Variants in LAMA3 observed in about 807,000 individuals in gnomAD.
LAMA3 encodes the protein laminin subunit alpha 3.
Under a neutral mutation model 402.0 loss-of-function variants are expected in LAMA3, and 281 were observed. The observed-to-expected ratio is 0.70, with a 90% CI of 0.63 to 0.77. LAMA3 has a LOEUF of 0.77. Ranked by LOEUF, LAMA3 falls within the 30% of genes least tolerant of loss-of-function variation. The pLI is 0.00. For synonymous variants in LAMA3, 1,431 were observed against 1,558.4 expected (o/e 0.92, Z 1.93); for missense variants, 3,840 against 4,215.5 (o/e 0.91, Z 2.47).
intron 59 of LAMA3, 131 bp downstream of exon 59, chr18:23,915,553 C>A: frequency 1.2e-6 from 1 of 830,112 alleles, no homozygotes; most frequent in Non-Finnish European, 2.1e-6. Context: ...AGTAGTTCTT[C>A]AAGTATGTGT....
At chr18:23,843,087 G>T (rs971018902) in intron 29 of LAMA3, among the ~76,000 whole-genome samples, 1 of 151,870 alleles carries the variant, frequency 6.6e-6, no homozygotes, top group Non-Finnish European at 1.5e-5. Context: ...TTTCTCTAGC[G>T]CTCCTTGGGT....
At chr18:23,860,872 A>G (rs1296102279) in intron 34 of LAMA3, among the ~76,000 whole-genome samples, 2 of 151,600 alleles carry the variant, frequency 1.3e-5, no homozygotes, top group African/African-American at 4.9e-5. Context: ...TTTTATATGT[A>G]ATAGAAACAA....
chr18:23,767,843 G>C (rs2062109380), intron 8 of LAMA3, among the ~76,000 whole-genome samples: 1 of 152,074 alleles, frequency 6.6e-6, no homozygotes, highest in African/African-American at 2.4e-5. Flanking sequence ...GAAGTGCTGG[G>C]ATTACAGGTG....
intron 9 of LAMA3, among the ~76,000 whole-genome samples, chr18:23,774,812 T>TA (rs145809364): frequency 6.6e-5 from 10 of 152,154 alleles, no homozygotes; most frequent in East Asian, 3.9e-4. Context: ...TCTTAGTTGT[T>TA]AAAAAAAATG....
At chr18:23,690,092 G>A in intron 1 of LAMA3, 115 bp downstream of exon 1, 1 of 840,430 alleles carries the variant, frequency 1.2e-6, no homozygotes, top group Non-Finnish European at 1.7e-6. Flanking sequence ...CCGGGCGACT[G>A]GGAAGGGCAG....
In LAMA3 at chr18:23,907,685, C is replaced by T; in HGVS notation, c.6835+19C>T. 6.2e-7 allele frequency: 1 copy of T among 1,610,576 alleles called. No individual in the cohort carries two copies. The highest frequency in any genetic ancestry group is 8.5e-7 in the Non-Finnish European group (1 of 1,176,744). On this transcript the variant is annotated intron_variant, in intron 53 of 74. Coordinates refer to ENST00000313654, the MANE Select transcript of LAMA3 (RefSeq NM_198129.4). ...CAGAGAGGTCAGCATCTTCCTAATC[C>T]ATTGTACTCGGTTGGCTTCTTTTGT... is the stretch of plus-strand genomic sequence containing the variant.
chr18:23,742,565 T>C (rs2061581221), intron 2 of LAMA3, among the ~76,000 whole-genome samples: 1 of 152,186 alleles, frequency 6.6e-6, no homozygotes, highest in Non-Finnish European at 1.5e-5. Context: ...ATAGAAGAAA[T>C]ATCCATGTTC....
intron 10 of LAMA3, 29 bp from the exon 11 acceptor site, chr18:23,777,528 C>T: frequency 1.4e-6 from 2 of 1,444,430 alleles, no homozygotes; most frequent in Non-Finnish European, 2.0e-6. Flanking sequence ...TAATCATCCT[C>T]TGTATTTTTT....
chr18:23,900,254 A>G (rs905713990), intron 47 of LAMA3, among the ~76,000 whole-genome samples: 1 of 152,150 alleles, frequency 6.6e-6, no homozygotes, highest in Non-Finnish European at 1.5e-5. Context: ...TATTTTTAGT[A>G]GAGACAGGGT....
chr18:23,696,288 A>G (rs2060685130), intron 1 of LAMA3, among the ~76,000 whole-genome samples: 1 of 152,208 alleles, frequency 6.6e-6, no homozygotes, highest in Non-Finnish European at 1.5e-5. Context: ...GTATCATTGA[A>G]TTCTAAATGT....
intron 56 of LAMA3, among the ~76,000 whole-genome samples, chr18:23,913,404 G>C (rs1483608864): frequency 6.6e-6 from 1 of 152,152 alleles, no homozygotes; most frequent in Non-Finnish European, 1.5e-5. Context: ...CAGTTGCCCT[G>C]TCTCTTTATC....
chr18:23,910,375 C>G (rs1221513732), intron 55 of LAMA3, among the ~76,000 whole-genome samples: 1 of 152,186 alleles, frequency 6.6e-6, no homozygotes, highest in Non-Finnish European at 1.5e-5. Context: ...TAATGTGGAA[C>G]AGTGCCTGGC....
chr18:23,737,719 A>G (rs1242283362), intron 2 of LAMA3, among the ~76,000 whole-genome samples: 1 of 152,228 alleles, frequency 6.6e-6, no homozygotes, highest in Non-Finnish European at 1.5e-5. Flanking sequence ...CCACAGCAGC[A>G]TTGGCTCAGA....
At chr18:23,746,883 T>TA (rs920353533) in intron 2 of LAMA3, among the ~76,000 whole-genome samples, 109 of 141,402 alleles carry the variant, frequency 7.7e-4, no homozygotes, top group Admixed American at 9.2e-4. Flanking sequence ...TTCTCAGACT[T>TA]AAAAAAAAAA....
chr18:23,853,983 G>A (rs905708502), intron 32 of LAMA3, among the ~76,000 whole-genome samples: 2 of 152,164 alleles, frequency 1.3e-5, no homozygotes, highest in African/African-American at 4.8e-5. Context: ...TCTAAACATT[G>A]CAGTACTCAA....
At chr18:23,783,919 T>C in intron 11 of LAMA3, 104 bp from the exon 12 acceptor site, 2 of 1,417,364 alleles carry the variant, frequency 1.4e-6, no homozygotes, top group East Asian at 4.6e-5. Context: ...CAGCCATAGA[T>C]AATTAATAAT....
rs776994315 is a variant in LAMA3 at position 23,858,833 on chromosome 18, T to G, written c.4422+4T>G. ...CTCACATAAGCGAAGGACTAAGGTATGCATTGACAGAAAGTGCTGGGGAAC... is the reference window on the plus strand; with the variant it reads ...CTCACATAAGCGAAGGACTAAGGTAGGCATTGACAGAAAGTGCTGGGGAAC... On this transcript the variant is annotated splice_donor_region_variant and intron_variant, in intron 34 of 74. Coordinates refer to ENST00000313654, the MANE Select transcript of LAMA3 (RefSeq NM_198129.4). The G allele has an allele frequency of 6.2e-7, 1 of 1,614,030 alleles. No homozygotes were observed. The highest frequency in any genetic ancestry group is 8.5e-7 in the Non-Finnish European group (1 of 1,179,882).
chr18:23,863,400 G>A (rs2064273139), intron 35 of LAMA3, among the ~76,000 whole-genome samples: 1 of 152,188 alleles, frequency 6.6e-6, no homozygotes, highest in Admixed American at 6.5e-5. Context: ...AACTGAGCTC[G>A]AGCCATTGGA....
At chr18:23,799,035 T>C (rs1010761768) in intron 12 of LAMA3, among the ~76,000 whole-genome samples, 22 of 152,182 alleles carry the variant, frequency 1.4e-4, no homozygotes, top group African/African-American at 4.3e-4. Context: ...CGAAGAAGGA[T>C]TTCAATAGTT....
Sources: allele counts gnomAD v4.1 joint callset (sites outside exome capture counted in the v4.1 genomes callset), GRCh38; gene constraint gnomAD v4.1.1; transcripts MANE v1.5; gene names NCBI Gene and HGNC (gene_info 2026-07-23, HGNC 2026-07-21).